HAUS7: variants seen among roughly 807,000 people sequenced by gnomAD.
HAUS7 encodes HAUS augmin-like complex subunit 7.
Under a neutral mutation model 28.4 loss-of-function variants are expected in HAUS7, and 3 were observed. The ratio of observed to expected loss-of-function variants is 0.11; its 90% CI spans 0.05 to 0.27. The LOEUF (loss-of-function observed/expected upper bound fraction) is 0.27. HAUS7 is among the 10% of genes least tolerant of loss of function. The probability of loss-of-function intolerance (pLI) is 1.00; values close to 1 mark genes in which losing one functional copy is unlikely to be tolerated. For missense variants in HAUS7, 284 were observed against 297.3 expected (o/e 0.96, Z 0.33); for synonymous variants, 165 against 132.1 (o/e 1.25, Z -1.71).
chrX:153,468,265 GC>G (rs1283313500), intron 2 of HAUS7, among the ~76,000 whole-genome samples: 1 of 112,349 alleles, frequency 8.9e-6, no homozygotes, highest in Non-Finnish European at 1.9e-5. Context: ...TCCCGCCCAG[GC>G]CCCTTCCTCA....
chrX:153,484,600 C>A (rs2089623813), intron 1 of HAUS7, among the ~76,000 whole-genome samples: 1 of 112,393 alleles, frequency 8.9e-6, no homozygotes, highest in Non-Finnish European at 1.9e-5. Flanking sequence ...CGGGGGTCGA[C>A]AGACAGTCTG....
At position 153,470,566 on chromosome X, in the gene HAUS7, C is replaced by T. The variant is rs1556985022; in HGVS notation, c.-9G>A. Reference sequence around the variant, plus strand: ...GCGTCCTGCCCCGCCATGTTTCGCGCTCCGAGCCGCGCCCCGCCCATGCCC... The same window carrying T: ...GCGTCCTGCCCCGCCATGTTTCGCGTTCCGAGCCGCGCCCCGCCCATGCCC... On this transcript the variant is annotated 5_prime_UTR_variant, in exon 1 of 10. Coordinates refer to ENST00000370211, the MANE Select transcript of HAUS7 (RefSeq NM_001385482.1). The T allele has an allele frequency of 3.3e-6, 4 of 1,204,245 alleles. No individual in the cohort carries two copies. The highest frequency in any genetic ancestry group is 2.2e-5 in the Admixed American group (1 of 45,817).
At chrX:153,472,449 G>A (rs1432539014), upstream of HAUS7, among the ~76,000 whole-genome samples, 733 of 7,787 alleles carry the variant, frequency 0.094, 17 homozygotes, top group Admixed American at 0.3. Context: ...CCCACCACCT[G>A]CCACCCACCA....
intron 4 of HAUS7, among the ~76,000 whole-genome samples, chrX:153,457,550 CCTG>C (rs1205231139): frequency 8.8e-6 from 1 of 113,246 alleles, no homozygotes; most frequent in Non-Finnish European, 1.9e-5. Context: ...CACAGCAGGG[CCTG>C]CTATGACAGA....
intron 1 of HAUS7, chrX:153,486,878 T>C: frequency 1.1e-6 from 1 of 898,450 alleles, no homozygotes; most frequent in East Asian, 7.8e-5. Context: ...GGCTGAGGTG[T>C]GCTTGGCCTT....
At chrX:153,483,396 A>G (rs1168391197) in intron 1 of HAUS7, 22 of 754,505 alleles carry the variant, frequency 2.9e-5, no homozygotes, top group Non-Finnish European at 3.3e-5. Context: ...CTCAGCCACA[A>G]CTGGCTTCAG....
chrX:153,457,457 G>A (rs1240307914), intron 4 of HAUS7, among the ~76,000 whole-genome samples: 3 of 113,289 alleles, frequency 2.6e-5, no homozygotes, highest in South Asian at 3.6e-4. Flanking sequence ...ACGCCAGAAC[G>A]GGCTGAGCAC....
intron 1 of HAUS7, among the ~76,000 whole-genome samples, chrX:153,494,752 T>TGGG (rs2089695122): frequency 8.7e-5 from 1 of 11,473 alleles, no homozygotes; most frequent in African/African-American, 3.0e-4. Flanking sequence ...GGGGGGGAGG[T>TGGG]GGTGGGGGCG....
chrX:153,491,641 T>G (rs1556989614), intron 1 of HAUS7, among the ~76,000 whole-genome samples: 1 of 113,235 alleles, frequency 8.8e-6, no homozygotes, highest in African/African-American at 3.2e-5. Flanking sequence ...AGCTGCCTGA[T>G]GAGGCCTAGA....
At chrX:153,484,589 G>A (rs1273388346) in intron 1 of HAUS7, among the ~76,000 whole-genome samples, 2 of 111,769 alleles carry the variant, frequency 1.8e-5, no homozygotes, top group Non-Finnish European at 3.8e-5. Context: ...GGGGAGGGAG[G>A]CGGGGGTCGA....
chrX:153,462,536 C>T, intron 4 of HAUS7, 74 bp downstream of exon 4: 1 of 847,607 alleles, frequency 1.2e-6, no homozygotes, highest in Non-Finnish European at 1.8e-6. Context: ...CCCACCTCAG[C>T]CAGCACCATG....
At chrX:153,474,604 C>T (rs782170539), upstream of HAUS7, among the ~76,000 whole-genome samples, 126 of 110,633 alleles carry the variant, frequency 1.1e-3, no homozygotes, top group African/African-American at 3.8e-3. Context: ...CCTCCTGCCC[C>T]GGGCCCCAAA....
At chrX:153,491,704 A>C in intron 1 of HAUS7, among the ~76,000 whole-genome samples, 1 of 112,918 alleles carries the variant, frequency 8.9e-6, no homozygotes, top group Non-Finnish European at 1.9e-5. Context: ...GGCCCTGTGC[A>C]GGGGCAACTG....
chrX:153,483,342 C>T (rs2089613464), intron 1 of HAUS7: 3 of 755,098 alleles, frequency 4.0e-6, no homozygotes, highest in East Asian at 1.5e-4. Flanking sequence ...GAGGAGGTGG[C>T]GGAGGGCGCA....
At chrX:153,480,981 C>G in intron 1 of HAUS7, 1 of 755,305 alleles carries the variant, frequency 1.3e-6, no homozygotes. Context: ...GGGAAGGGGC[C>G]TGAAACCCAG....
At position 153,447,769 on chromosome X, in the gene HAUS7, C is replaced by G. The variant is rs782131401; in HGVS notation, c.*109G>C. On this transcript the variant is annotated 3_prime_UTR_variant, in exon 10 of 10. Coordinates refer to ENST00000370211, the MANE Select transcript of HAUS7 (RefSeq NM_001385482.1). ...CTGCCTAGAGCACAACGTGGGGCTGCAACGGCTTCTGCTGCCACAATCATC... is the reference window on the plus strand; with the variant it reads ...CTGCCTAGAGCACAACGTGGGGCTGGAACGGCTTCTGCTGCCACAATCATC... 7 of 665,144 alleles carry G rather than the reference C, an allele frequency of 1.1e-5. No homozygotes were observed. The African/African-American group carries it at 1.5e-4, about 14-fold the overall frequency. 54.8% of individuals were successfully genotyped at this position (665,144 alleles called of 1,213,427 possible).
intron 1 of HAUS7, among the ~76,000 whole-genome samples, 154 bp from the exon 2 acceptor site, chrX:153,469,415 T>G (rs2089492813): frequency 8.9e-6 from 1 of 112,755 alleles, no homozygotes; most frequent in South Asian, 3.6e-4. Flanking sequence ...AGCCTCCACC[T>G]CCTGGGTTCC....
intron 1 of HAUS7, among the ~76,000 whole-genome samples, chrX:153,483,605 C>T (rs1556987826): frequency 9.0e-6 from 1 of 111,672 alleles, no homozygotes. Context: ...CAGGGGAGGA[C>T]TTGTTCCTTG....
intron 4 of HAUS7, chrX:153,462,121 G>T: frequency 9.6e-7 from 1 of 1,045,380 alleles, no homozygotes; most frequent in Non-Finnish European, 1.3e-6. Flanking sequence ...ATGCAAGAAT[G>T]TTTATAGTAG....
Sources: gnomAD v4.1 joint callset for allele counts (sites outside exome capture counted in the v4.1 genomes callset) on GRCh38, gnomAD v4.1.1 for gene constraint, MANE v1.5 for transcripts, NCBI Gene and HGNC (gene_info 2026-07-23, HGNC 2026-07-21) for gene names.